Variants in NPAS3 observed in about 807,000 individuals in gnomAD.
NPAS3 encodes neuronal PAS domain protein 3.
Under a neutral mutation model 73.1 loss-of-function variants are expected in NPAS3, and 14 were observed. The observed-to-expected ratio is 0.19, with a 90% CI of 0.13 to 0.30. The LOEUF (loss-of-function observed/expected upper bound fraction) is 0.30. Among genes scored for constraint, NPAS3 ranks in the 10% least tolerant of loss-of-function variants. The probability of loss-of-function intolerance (pLI) is 1.00; values close to 1 mark genes in which losing one functional copy is unlikely to be tolerated. For synonymous variants in NPAS3, 620 were observed against 541.5 expected, an observed-to-expected ratio of 1.14 and a Z score of -2.01; for missense variants, 1,096 against 1,250.0, an observed-to-expected ratio of 0.88 and a Z score of 1.86.
chr14:33,753,387 A>G (rs2062021818), intron 7 of NPAS3, among the ~76,000 whole-genome samples: 1 of 150,990 alleles, frequency 6.6e-6, no homozygotes. Context: ...ACACTCCACA[A>G]TGTAGAAGGA....
chr14:33,202,823 A>G (rs1054379434), intron 2 of NPAS3, among the ~76,000 whole-genome samples: 2 of 152,018 alleles, frequency 1.3e-5, no homozygotes, highest in Admixed American at 1.3e-4. Context: ...TTTCAAAGTG[A>G]TATTTTCCCT....
At chr14:33,755,480 C>T (rs188857743) in intron 7 of NPAS3, among the ~76,000 whole-genome samples, 17 of 152,184 alleles carry the variant, frequency 1.1e-4, no homozygotes, top group East Asian at 3.9e-4. Context: ...AAGTTACTAC[C>T]ATGACGCCAT....
intron 9 of NPAS3, among the ~76,000 whole-genome samples, chr14:33,783,191 T>G (rs2063034823): frequency 6.6e-6 from 1 of 152,196 alleles, no homozygotes; most frequent in Admixed American, 6.5e-5. Flanking sequence ...TTGGTTTGGG[T>G]ATGCAGCCAC....
intron 6 of NPAS3, among the ~76,000 whole-genome samples, chr14:33,715,774 C>A (rs1010377031): frequency 2.0e-5 from 3 of 152,186 alleles, no homozygotes; most frequent in Admixed American, 6.5e-5. Flanking sequence ...ATAATCCCCA[C>A]GTGTCATTCG....
intron 2 of NPAS3, among the ~76,000 whole-genome samples, chr14:33,107,136 C>T (rs1020063325): frequency 2.6e-4 from 40 of 151,292 alleles, no homozygotes; most frequent in Admixed American, 1.1e-3. Flanking sequence ...GAGCTGAACT[C>T]TCTATCCTGG....
intron 3 of NPAS3, among the ~76,000 whole-genome samples, chr14:33,218,715 C>T (rs2047315768): frequency 6.6e-6 from 1 of 152,162 alleles, no homozygotes; most frequent in South Asian, 2.1e-4. Context: ...ATGAGTTGAT[C>T]ATGTTAATAA....
chr14:33,051,296 A>AAAAAAAAAAAAAAAAAAG (rs771840433), intron 1 of NPAS3, among the ~76,000 whole-genome samples: 14 of 142,564 alleles, frequency 9.8e-5, no homozygotes, highest in African/African-American at 3.0e-4. Context: ...AAAAAAAAAA[A>AAAAAAAAAAAAAAAAAAG]AGAGAGACTA....
At chr14:33,405,277 C>T (rs1469301110) in intron 4 of NPAS3, among the ~76,000 whole-genome samples, 1 of 151,946 alleles carries the variant, frequency 6.6e-6, no homozygotes, top group Non-Finnish European at 1.5e-5. Flanking sequence ...GTTTTAATCC[C>T]TTTAGGCAGG....
intron 2 of NPAS3, among the ~76,000 whole-genome samples, chr14:33,208,998 C>T (rs1339128909): frequency 1.3e-5 from 2 of 152,140 alleles, no homozygotes; most frequent in Admixed American, 1.3e-4. Flanking sequence ...CAGAGGCTAA[C>T]ATAAATTAAT....
chr14:33,205,397 C>T (rs1384171284), intron 2 of NPAS3, among the ~76,000 whole-genome samples: 6 of 151,906 alleles, frequency 3.9e-5, no homozygotes, highest in African/African-American at 7.3e-5. Context: ...GTTATTTTTT[C>T]GTAAGGTTTT....
At chr14:33,574,945 T>A (rs886710211) in intron 5 of NPAS3, among the ~76,000 whole-genome samples, 2 of 145,574 alleles carry the variant, frequency 1.4e-5, no homozygotes, top group African/African-American at 5.2e-5. Flanking sequence ...CTAGGATTGG[T>A]CAACCTTGGT....
chr14:33,147,337 C>T (rs1172750687), intron 2 of NPAS3, among the ~76,000 whole-genome samples: 2 of 152,134 alleles, frequency 1.3e-5, no homozygotes, highest in Non-Finnish European at 1.5e-5. Context: ...GACTCCATTT[C>T]CCCATATGCA....
At chr14:33,500,320 A>C (rs1459807252) in intron 4 of NPAS3, among the ~76,000 whole-genome samples, 1 of 151,928 alleles carries the variant, frequency 6.6e-6, no homozygotes, top group Admixed American at 6.6e-5. Context: ...CTGAAGGTAA[A>C]GCTACATGAA....
At chr14:33,463,901 G>A (rs1447271398) in intron 4 of NPAS3, among the ~76,000 whole-genome samples, 1 of 152,178 alleles carries the variant, frequency 6.6e-6, no homozygotes, top group African/African-American at 2.4e-5. Flanking sequence ...GGGATGGGAG[G>A]TTTTTGTGGC....
chr14:33,609,674 T>G (rs1001321174), intron 5 of NPAS3, among the ~76,000 whole-genome samples: 2 of 151,666 alleles, frequency 1.3e-5, no homozygotes. Flanking sequence ...ATGTAAGAGC[T>G]CCAGCCATTT....
intron 5 of NPAS3, among the ~76,000 whole-genome samples, chr14:33,668,970 A>C (rs1163289033): frequency 1.4e-4 from 21 of 152,244 alleles, no homozygotes; most frequent in Admixed American, 1.4e-3. Context: ...TTGATACTGA[A>C]GTCCGGCTAT....
chr14:33,714,341 C>A (rs1212152811), intron 6 of NPAS3, among the ~76,000 whole-genome samples: 1 of 151,960 alleles, frequency 6.6e-6, no homozygotes, highest in Non-Finnish European at 1.5e-5. Flanking sequence ...CACTCTCCTA[C>A]TGTAACTTCA....
intron 1 of NPAS3, among the ~76,000 whole-genome samples, chr14:32,975,974 C>A (rs2037658709): frequency 6.6e-6 from 1 of 152,016 alleles, no homozygotes; most frequent in East Asian, 1.9e-4. Flanking sequence ...CCTCTGGCCT[C>A]CTTGGGGACC....
At chr14:33,408,602 C>A (rs1298668168) in intron 4 of NPAS3, among the ~76,000 whole-genome samples, 1 of 152,174 alleles carries the variant, frequency 6.6e-6, no homozygotes, top group Non-Finnish European at 1.5e-5. Context: ...GAACAGAGAT[C>A]TGGTTGTGTT....
Sources: allele counts gnomAD v4.1 joint callset (sites outside exome capture counted in the v4.1 genomes callset), GRCh38; gene constraint gnomAD v4.1.1; transcripts MANE v1.5; gene names NCBI Gene and HGNC (gene_info 2026-07-23, HGNC 2026-07-21).